The following RBM33 variants were observed in gnomAD, a reference collection of about 807,000 sequenced individuals.
The protein encoded by RBM33 is RNA-binding protein 33.
In RBM33, 28 loss-of-function variants were observed where a neutral mutation model predicts 132.6. That is an observed-to-expected ratio of 0.21 (90% CI 0.16 to 0.29). The LOEUF is 0.29. Ranked by LOEUF, RBM33 falls within the 10% of genes least tolerant of loss-of-function variation. RBM33 has a pLI of 1.00. For synonymous variants in RBM33, 634 were observed against 593.0 expected (o/e 1.07, Z -1.01); for missense variants, 1,291 against 1,518.5 (o/e 0.85, Z 2.49).
intron 9 of RBM33, among the ~76,000 whole-genome samples, chr7:155,730,534 A>C (rs528244281): frequency 6.6e-6 from 1 of 152,322 alleles, no homozygotes; most frequent in East Asian, 1.9e-4. Context: ...GTAGATGAGC[A>C]AACTGAGGCC....
In RBM33 at chr7:155,696,895, G is replaced by T. The variant is rs1333392564; in HGVS notation, c.568-3878G>T. ...GAAGTGCTGGCCGAGTATGCTGTAT[G>T]ATGTCTCCCAATCTCAGTTTGTTTG... On this transcript the variant is annotated intron_variant, in intron 5 of 17. Transcript: ENST00000401878. Among the ~76,000 whole-genome samples the T allele has an allele frequency of 2.0e-5, 3 of 152,096 alleles. No individual in the cohort carries two copies. In the East Asian group the frequency reaches 5.8e-4, roughly 29 times the overall value.
At chr7:155,669,100 A>G (rs1192838315) in intron 2 of RBM33, among the ~76,000 whole-genome samples, 2 of 151,600 alleles carry the variant, frequency 1.3e-5, no homozygotes, top group African/African-American at 4.9e-5. Flanking sequence ...TGCCACATGT[A>G]TTTCTTTTTT....
Position 155,774,871 on chromosome 7 carries a change from C to A in RBM33, c.3465-122C>A. The A allele has an allele frequency of 1.1e-6, 1 of 916,382 alleles. No homozygotes were observed. The highest frequency in any genetic ancestry group is 1.7e-6 in the Non-Finnish European group (1 of 581,742). 56.8% of individuals were successfully genotyped at this position (916,382 alleles called of 1,614,324 possible). A position where few individuals can be genotyped will look rare whatever the true frequency, so the allele number is the denominator to read the frequency against. On this transcript the variant is annotated intron_variant, in intron 17 of 17. Coordinates refer to ENST00000401878, the MANE Select transcript of RBM33 (RefSeq NM_053043.3). This position sits in a 1 kb window ranked among gnomAD's most constrained non-coding sequence, Gnocchi z 4.2. ...TAATAGATCTTCCCGGGGAATCTGC[C>A]TTTTTATATGATGCGTTTTTATTAA... is the stretch of plus-strand genomic sequence containing the variant.
chr7:155,672,979 G>C, intron 3 of RBM33, 64 bp downstream of exon 3: 1 of 1,131,434 alleles, frequency 8.8e-7, no homozygotes, highest in South Asian at 1.5e-5. Flanking sequence ...ACATACAGCA[G>C]TAATCACTTA....
At chr7:155,674,705 A>T (rs1199788236) in intron 3 of RBM33, among the ~76,000 whole-genome samples, 1 of 152,110 alleles carries the variant, frequency 6.6e-6, no homozygotes, top group African/African-American at 2.4e-5. Context: ...TTCTCAGTTG[A>T]GCTGATTGTT....
In RBM33 at chr7:155,700,810, A is replaced by G; in HGVS notation, c.605A>G (p.Lys202Arg). 1 of 1,585,962 alleles carries G rather than the reference A, an allele frequency of 6.3e-7. No homozygotes were observed. Residue 202 changes from lysine (K) to arginine (R), a missense_variant, in exon 6 of 18, where the codon AAA (lysine) becomes AGA (arginine). By Grantham distance (26) the Lys-to-Arg change is conservative. Transcript: ENST00000401878. ...ACATTGGAACTTCAAAAGGACATCAAAGAAGAATCAGATGAAGAAGAAGAA... is the reference window on the plus strand; with the variant it reads ...ACATTGGAACTTCAAAAGGACATCAGAGAAGAATCAGATGAAGAAGAAGAA... ...METLELQKDI[K>R]EESDEEEEDD...
chr7:155,674,957 C>A (rs1424997026), intron 3 of RBM33, among the ~76,000 whole-genome samples: 1 of 152,142 alleles, frequency 6.6e-6, no homozygotes, highest in Non-Finnish European at 1.5e-5. Flanking sequence ...TGTAAACAGT[C>A]GTGACTAACA....
At chr7:155,724,990 T>TTTTTTTTTTTTG (rs71186056) in intron 9 of RBM33, among the ~76,000 whole-genome samples, 9 of 123,366 alleles carry the variant, frequency 7.3e-5, no homozygotes, top group African/African-American at 1.7e-4. Flanking sequence ...GTGTACAGGT[T>TTTTTTTTTTTTG]TGTGTGTGTG....
At chr7:155,730,821 G>T (rs1021849567) in intron 9 of RBM33, among the ~76,000 whole-genome samples, 1 of 152,196 alleles carries the variant, frequency 6.6e-6, no homozygotes, top group African/African-American at 2.4e-5. Flanking sequence ...CATTTAGACA[G>T]CATGTAAATA....
intron 5 of RBM33, among the ~76,000 whole-genome samples, chr7:155,691,982 T>G (rs1251724738): frequency 6.7e-6 from 1 of 149,600 alleles, no homozygotes; most frequent in South Asian, 2.1e-4. Context: ...GCCCAGGAGG[T>G]GGAGGTTGCA....
chr7:155,726,596 G>A (rs1800800556), intron 9 of RBM33, among the ~76,000 whole-genome samples: 1 of 152,186 alleles, frequency 6.6e-6, no homozygotes, highest in African/African-American at 2.4e-5. Context: ...AATTACGTTA[G>A]TACTAAAAGT....
In RBM33 at chr7:155,706,877, A is replaced by G. The variant is rs781693607; in HGVS notation, c.757A>G (p.Lys253Glu). ...PETLELSAEA[K>E]AALLEFEERE... The stretch of plus-strand genomic sequence containing the variant: ...TCACATAGAGCTTTCAGCAGAGGCC[A>G]AGGCAGCATTGCTTGAATTTGAAGA... The change falls in exon 7 of 18, where the codon AAG (lysine) becomes GAG (glutamate). Residue 253 changes from lysine to glutamate, a missense_variant. Lys to Glu is a moderately conservative substitution (Grantham distance 56). This residue lies in a region of RBM33 where 34 missense variants were observed against 46.5 expected (regional missense o/e 0.73). Transcript: ENST00000401878. 1.0e-5 allele frequency: 16 copies of G among 1,603,744 alleles called. No individual in the cohort carries two copies. Among genetic ancestry groups the G allele is most frequent in the South Asian group, 4.5e-5 (4 of 88,496 alleles).
At position 155,763,934 on chromosome 7, in the gene RBM33, C is replaced by T. The variant is rs1466083325; in HGVS notation, c.3102C>T (p.Pro1034=). ...VTLTRGGLQQ[P]PHLPAGPHAH... ...TGACCAGGGGGGGCCTCCAGCAGCC[C>T]CCACATCTGCCAGCGGGGCCCCACG... Residue 1034 remains proline (P), a synonymous_variant, in exon 15 of 18, where the codon CCC becomes CCT. Coordinates refer to ENST00000401878, the MANE Select transcript of RBM33 (RefSeq NM_053043.3). The T allele has an allele frequency of 1.9e-6, 3 of 1,602,942 alleles. No homozygotes were observed. In the South Asian group the frequency reaches 3.4e-5, roughly 18 times the overall value.
chr7:155,749,398 G>A (rs1316497437), intron 14 of RBM33, among the ~76,000 whole-genome samples: 4 of 152,280 alleles, frequency 2.6e-5, no homozygotes, highest in South Asian at 2.1e-4. Context: ...TAGGGCCGCC[G>A]CACACCTACT....
intron 9 of RBM33, among the ~76,000 whole-genome samples, chr7:155,736,308 G>A (rs1328898056): frequency 2.0e-5 from 3 of 152,192 alleles, no homozygotes; most frequent in Non-Finnish European, 4.4e-5. Flanking sequence ...GTGTGAGAAA[G>A]AAGAATGATA....
intron 1 of RBM33, among the ~76,000 whole-genome samples, chr7:155,664,471 A>G (rs373929334): frequency 2.7e-5 from 4 of 149,776 alleles, no homozygotes; most frequent in South Asian, 2.1e-4. Flanking sequence ...GGGCTTTGCT[A>G]TGTTGGCCGA....
At position 155,775,291 on chromosome 7, in the gene RBM33, C is replaced by CGTTTT. The variant is rs1206562268; in HGVS notation, c.*261_*265dup. ...TCACCACCAAGAACTCCAAGTTTTT[C>CGTTTT]GTTTTGTTTTGTTTTCAAAGTGCTT... On this transcript the variant is annotated 3_prime_UTR_variant, in exon 18 of 18. Transcript: ENST00000401878. 3.3e-6 allele frequency: 2 copies of CGTTTT among 614,246 alleles called. No individual in the cohort carries two copies. The highest frequency in any genetic ancestry group is 2.7e-5 in the Admixed American group (1 of 37,610). 38.0% of individuals were successfully genotyped at this position (614,246 alleles called of 1,614,324 possible).
Position 155,707,040 on chromosome 7 carries a change from C to A in RBM33, c.920C>A (p.Ala307Glu). 6.4e-7 allele frequency: 1 copy of A among 1,561,706 alleles called. No homozygotes were observed. Among genetic ancestry groups the A allele is most frequent in the Non-Finnish European group, 8.7e-7 (1 of 1,153,226 alleles). The part of the protein sequence containing the change: ...ERGRMKDHRP[A>E]LLPTQPPVVP... ...GGCAGGATGAAGGACCACAGACCTG[C>A]GCTGCTTCCTACACAGCCTCCTGTC... Residue 307 changes from alanine (A) to glutamate (E), a missense_variant, in exon 7 of 18, where the codon GCG becomes GAG. Ala to Glu is a moderately radical substitution (Grantham distance 107, BLOSUM62 -1). Transcript: ENST00000401878.
intron 16 of RBM33, among the ~76,000 whole-genome samples, chr7:155,770,613 T>C (rs945882256): frequency 7.0e-5 from 10 of 142,132 alleles, no homozygotes; most frequent in South Asian, 2.2e-4. Context: ...TTTTTTTTTT[T>C]CCTTTAAGTG....
Sources: gnomAD v4.1 joint callset for allele counts (sites outside exome capture counted in the v4.1 genomes callset) on GRCh38, gnomAD v4.1.1 for gene constraint, gnomAD v4.1.1 regional missense constraint, Gnocchi (gnomAD v3.1) non-coding constraint, MANE v1.5 for transcripts, NCBI Gene and HGNC (gene_info 2026-07-23, HGNC 2026-07-21) for gene names.